MLIP: variants seen among roughly 807,000 people sequenced by gnomAD.
The protein encoded by MLIP is muscular LMNA interacting protein.
A neutral mutation model predicts 84.8 loss-of-function variants in MLIP; 79 were observed. The ratio of observed to expected loss-of-function variants is 0.93; its 90% confidence interval spans 0.78 to 1.12. The LOEUF (loss-of-function observed/expected upper bound fraction) is 1.12. Ranked by LOEUF, MLIP falls within the 50% of genes most tolerant of loss-of-function variation. MLIP has a pLI of 0.00. For missense variants in MLIP, 1,257 were observed against 1,160.6 expected, an observed-to-expected ratio of 1.08 and a Z score of -1.21; for synonymous variants, 504 against 463.0, an observed-to-expected ratio of 1.09 and a Z score of -1.14.
chr6:54,262,461 A>C (rs1159996700), intron 13 of MLIP, among the ~76,000 whole-genome samples: 2 of 152,064 alleles, frequency 1.3e-5, no homozygotes, highest in South Asian at 2.1e-4. Context: ...TACATAGTTC[A>C]TCTTAAGTTC....
At chr6:54,262,593 T>TAAC (rs1783458456) in intron 13 of MLIP, among the ~76,000 whole-genome samples, 5 of 152,054 alleles carry the variant, frequency 3.3e-5, no homozygotes, top group Non-Finnish European at 7.4e-5. Context: ...AGTTAGAGTC[T>TAAC]TATCCTCCCT....
intron 11 of MLIP, among the ~76,000 whole-genome samples, chr6:54,224,109 G>A (rs1300451007): frequency 1.3e-5 from 2 of 151,878 alleles, no homozygotes; most frequent in African/African-American, 4.8e-5. Context: ...GGACTTTATA[G>A]CATTAGAAAA....
intron 13 of MLIP, among the ~76,000 whole-genome samples, chr6:54,258,246 T>A (rs940041944): frequency 6.6e-5 from 10 of 152,078 alleles, no homozygotes; most frequent in Non-Finnish European, 1.2e-4. Flanking sequence ...GAAGTAAGAA[T>A]AATAAAATTC....
chr6:54,130,272 A>G (rs1467786836), intron 3 of MLIP, among the ~76,000 whole-genome samples: 5 of 152,170 alleles, frequency 3.3e-5, no homozygotes, highest in Non-Finnish European at 7.4e-5. Flanking sequence ...TGACAATTCC[A>G]GCAGAAAGAT....
chr6:54,217,527 T>C (rs148995355), intron 11 of MLIP: 27,806 of 985,322 alleles, frequency 0.028, 479 homozygotes, highest in Non-Finnish European at 0.032. Flanking sequence ...ATTTGTCTGC[T>C]AATTTTTCTT....
chr6:54,219,258 CA>C (rs1403879533), intron 11 of MLIP, among the ~76,000 whole-genome samples: 1 of 149,546 alleles, frequency 6.7e-6, no homozygotes, highest in East Asian at 1.9e-4. Context: ...AAGATACAAA[CA>C]CATTATGCAG....
chr6:54,160,614 T>C lies in MLIP; in HGVS notation c.2439+15T>C, dbSNP rs758286367. 1 of 1,590,636 alleles carries C rather than the reference T, an allele frequency of 6.3e-7. No homozygotes were observed. Among genetic ancestry groups the C allele is most frequent in the South Asian group, 1.1e-5 (1 of 90,256 alleles). Reference sequence around the variant, plus strand: ...CCTTGTCTATGGTAATGCTTTAGACTAGAATGTGCAATTCAAACATTTGCT... The same window carrying C: ...CCTTGTCTATGGTAATGCTTTAGACCAGAATGTGCAATTCAAACATTTGCT... On this transcript the variant is annotated intron_variant, in intron 7 of 13. Coordinates refer to ENST00000502396, the MANE Select transcript of MLIP (RefSeq NM_001281747.2).
intron 1 of MLIP, among the ~76,000 whole-genome samples, chr6:54,062,933 T>C (rs1324497017): frequency 6.6e-6 from 1 of 152,186 alleles, no homozygotes. Context: ...CTGCATGCAA[T>C]GGCTCATGCC....
chr6:54,159,823 T>C (rs887902355), intron 5 of MLIP, among the ~76,000 whole-genome samples: 1 of 152,038 alleles, frequency 6.6e-6, no homozygotes, highest in Admixed American at 6.6e-5. Flanking sequence ...AATAGAGATT[T>C]TGGCTAGTTC....
In MLIP at chr6:54,152,106, T is replaced by C. The variant is rs1003572174; in HGVS notation, c.2289+2979T>C. Among the ~76,000 whole-genome samples, 75 of 152,154 alleles carry C rather than the reference T, an allele frequency of 4.9e-4. 2 individuals are homozygous for C. The highest frequency in any genetic ancestry group is 7.4e-5 in the Non-Finnish European group (5 of 68,022). On this transcript the variant is annotated intron_variant, in intron 5 of 13. Coordinates refer to ENST00000502396, the MANE Select transcript of MLIP (RefSeq NM_001281747.2). Reference sequence around the variant, plus strand: ...AGCTTAAGTCTTAAATAAGGATTTCTAGGGAGAGATAAATGTAAGGTATGA... The same window carrying C: ...AGCTTAAGTCTTAAATAAGGATTTCCAGGGAGAGATAAATGTAAGGTATGA...
At chr6:54,104,806 T>C (rs1283769905) in intron 1 of MLIP, among the ~76,000 whole-genome samples, 1 of 152,192 alleles carries the variant, frequency 6.6e-6, no homozygotes, top group African/African-American at 2.4e-5. Context: ...TCAGCACTTC[T>C]GTCACACTGT....
At chr6:54,255,668 T>G (rs937975999) in intron 12 of MLIP, among the ~76,000 whole-genome samples, 10 of 152,134 alleles carry the variant, frequency 6.6e-5, no homozygotes, top group Admixed American at 3.3e-4. Context: ...TAAAATGGAT[T>G]AAAATTACTG....
chr6:54,137,705 A>T lies in MLIP; in HGVS notation c.1636A>T (p.Ser546Cys). 6.5e-7 allele frequency: 1 copy of T among 1,536,046 alleles called. No individual in the cohort carries two copies. Among genetic ancestry groups the T allele is most frequent in the South Asian group, 1.2e-5 (1 of 84,060 alleles). Reference protein sequence around the residue: ...MLSLLQTSTSSSVGLPPVPPS... With the variant: ...MLSLLQTSTSCSVGLPPVPPS... ...CTCCCTGCTACAAACCAGTACATCC[A>T]GTTCTGTGGGTCTTCCTCCTGTTCC... The change falls in exon 4 of 14, where the codon AGT (serine) becomes TGT (cysteine). Residue 546 changes from serine (S) to cysteine (C), a missense_variant. Ser to Cys is a moderately radical substitution (Grantham distance 112, BLOSUM62 -1). Transcript: ENST00000502396.
At chr6:54,224,952 T>C (rs1780477092) in intron 11 of MLIP, among the ~76,000 whole-genome samples, 1 of 152,220 alleles carries the variant, frequency 6.6e-6, no homozygotes, top group Admixed American at 6.5e-5. Context: ...TCGTTGTCTA[T>C]AGTGTATATA....
At chr6:54,036,023 C>G (rs2150292346) in intron 1 of MLIP, among the ~76,000 whole-genome samples, 1 of 151,956 alleles carries the variant, frequency 6.6e-6, no homozygotes, top group South Asian at 2.1e-4. Flanking sequence ...CTTTTGGTAT[C>G]AAGTATAAGA....
intron 12 of MLIP, among the ~76,000 whole-genome samples, chr6:54,238,611 G>A (rs1781517530): frequency 6.6e-6 from 1 of 152,144 alleles, no homozygotes; most frequent in South Asian, 2.1e-4. Context: ...GAAACTAGAG[G>A]AGTGAGGACT....
At chr6:54,244,993 A>G (rs1021100580) in intron 12 of MLIP, among the ~76,000 whole-genome samples, 1 of 152,188 alleles carries the variant, frequency 6.6e-6, no homozygotes, top group Non-Finnish European at 1.5e-5. Context: ...TGATTTTTAA[A>G]GCTCTTGTAA....
chr6:54,150,151 A>T (rs549854488), intron 5 of MLIP, among the ~76,000 whole-genome samples: 2 of 152,268 alleles, frequency 1.3e-5, no homozygotes, highest in South Asian at 4.1e-4. Context: ...TTATCTAATA[A>T]GTAGGAATTG....
At chr6:54,227,152 A>G (rs1263881155) in intron 11 of MLIP, among the ~76,000 whole-genome samples, 2 of 152,174 alleles carry the variant, frequency 1.3e-5, no homozygotes, top group Non-Finnish European at 2.9e-5. Context: ...CCGCCATGGT[A>G]AGATGTGCTT....
Sources: allele counts gnomAD v4.1 joint callset (sites outside exome capture counted in the v4.1 genomes callset), GRCh38; gene constraint gnomAD v4.1.1; transcripts MANE v1.5; gene names NCBI Gene and HGNC (gene_info 2026-07-23, HGNC 2026-07-21).